Variants in HECW1 observed in about 807,000 individuals in gnomAD.
The protein encoded by HECW1 is E3 ubiquitin-protein ligase HECW1.
HECW1 carries 61 observed loss-of-function variants against 182.3 expected under a neutral mutation model. The ratio of observed to expected loss-of-function variants is 0.33; its 90% CI spans 0.27 to 0.41. The LOEUF (loss-of-function observed/expected upper bound fraction) is 0.41. Ranked by LOEUF, HECW1 falls within the 10% of genes least tolerant of loss-of-function variation. The pLI is 1.00. For missense variants in HECW1, 1,739 were observed against 2,108.9 expected (o/e 0.82, Z 3.44); for synonymous variants, 859 against 832.6 (o/e 1.03, Z -0.55).
In HECW1 at chr7:43,365,442, A is replaced by T. The variant is rs886263189; in HGVS notation, c.555+4462A>T. Among the ~76,000 whole-genome samples the T allele has an allele frequency of 2.8e-4, 14 of 49,852 alleles. No homozygotes were observed. The Admixed American group carries it at 3.2e-3, about 11-fold the overall frequency. 32.7% of individuals were successfully genotyped at this position (49,852 alleles called of 152,430 possible). On this transcript the variant is annotated intron_variant, in intron 6 of 29. Transcript: ENST00000395891. ...GGCCACCAGCATGCAGGGCAGGCTG[A>T]GGACATGACATTCCCACCCGTGTGG...
In HECW1 at chr7:43,198,721, GCACACTCTCACACCC is replaced by G. The variant is rs563851930; in HGVS notation, c.-31-45140_-31-45126del. 7.4e-3 allele frequency among the ~76,000 whole-genome samples: 983 copies of G among 133,716 alleles called. 1 individual carries two copies. The highest frequency in any genetic ancestry group is 0.012 in the Non-Finnish European group (773 of 62,302). 87.7% of individuals were successfully genotyped at this position (133,716 alleles called of 152,430 possible). A position where few individuals can be genotyped will look rare whatever the true frequency, so the allele number is the denominator to read the frequency against. On this transcript the variant is annotated intron_variant, in intron 2 of 29. Transcript: ENST00000395891. The stretch of plus-strand genomic sequence containing the variant: ...CATACACCCCCCACAATACAGATTT[GCACACTCTCACACCC>G]CACACTCTCACACACTATAGATTTG...
chr7:43,401,153 C>A (rs930503692), intron 7 of HECW1, among the ~76,000 whole-genome samples: 1 of 152,150 alleles, frequency 6.6e-6, no homozygotes, highest in Non-Finnish European at 1.5e-5. Context: ...ATGTGAACAT[C>A]TTTGTGAGGT....
intron 2 of HECW1, among the ~76,000 whole-genome samples, chr7:43,145,704 A>G (rs1264970930): frequency 6.6e-6 from 1 of 152,192 alleles, no homozygotes; most frequent in Non-Finnish European, 1.5e-5. Context: ...GCCACAAGAG[A>G]TAATTTCAAA....
At chr7:43,353,833 T>C (rs1178159958) in intron 5 of HECW1, among the ~76,000 whole-genome samples, 1 of 151,824 alleles carries the variant, frequency 6.6e-6, no homozygotes, top group Non-Finnish European at 1.5e-5. Flanking sequence ...AGAGCAACCA[T>C]AGACAAAGCA....
rs368679734 is a variant in HECW1, at chr7:43,126,697, C to A, written c.-32+12306C>A. Among the ~76,000 whole-genome samples, 55 of 152,272 alleles carry A rather than the reference C, an allele frequency of 3.6e-4. No homozygotes were observed. The East Asian group carries it at 9.5e-3, about 26-fold the overall frequency. ...CCTGAGTCCAGCAAGTCTATCGGTG[C>A]CATTTTTTCCAACAGCATGTGCTCA... On this transcript the variant is annotated intron_variant, in intron 2 of 29. Coordinates refer to ENST00000395891, the MANE Select transcript of HECW1 (RefSeq NM_015052.5).
rs1406016367 is a variant in HECW1, at chr7:43,564,349, A to G, written c.*2423A>G. 1 of 184,518 alleles carries G rather than the reference A, an allele frequency of 5.4e-6. No homozygotes were observed. Among genetic ancestry groups the G allele is most frequent in the Admixed American group, 6.2e-5 (1 of 16,060 alleles). The allele number at this position is 184,518 out of a possible 1,614,324, so 11.4% of individuals were successfully genotyped here. ...TTACAAGATGGACCAGCTCCTGGAGAGCTTTGCAATTTATATAAATTACTA... is the reference window on the plus strand; with the variant it reads ...TTACAAGATGGACCAGCTCCTGGAGGGCTTTGCAATTTATATAAATTACTA... On this transcript the variant is annotated 3_prime_UTR_variant, in exon 30 of 30. Transcript: ENST00000395891.
chr7:43,535,647 T>A (rs1036877554), intron 24 of HECW1, among the ~76,000 whole-genome samples: 1 of 152,206 alleles, frequency 6.6e-6, no homozygotes, highest in Admixed American at 6.5e-5. Flanking sequence ...TTTTGCAGTG[T>A]ATTAAAGGAT....
At chr7:43,424,223 T>C (rs2076284141) in intron 8 of HECW1, among the ~76,000 whole-genome samples, 2 of 152,334 alleles carry the variant, frequency 1.3e-5, no homozygotes, top group South Asian at 4.1e-4. Flanking sequence ...AAAATTACTA[T>C]GCTCCAGTGA....
chr7:43,266,414 C>T (rs936328608), intron 3 of HECW1, among the ~76,000 whole-genome samples: 1 of 152,206 alleles, frequency 6.6e-6, no homozygotes. Flanking sequence ...TGGCTCACTG[C>T]GTCCTCCGCC....
chr7:43,430,202 C>G (rs1360004513), intron 8 of HECW1, among the ~76,000 whole-genome samples: 2 of 152,314 alleles, frequency 1.3e-5, no homozygotes, highest in East Asian at 3.9e-4. Context: ...CTTTCTCACT[C>G]AGGTCTGAAA....
rs1789886652 is a variant in HECW1, at chr7:43,156,360, CT to C, written c.-32+41971del. On this transcript the variant is annotated intron_variant, in intron 2 of 29. Coordinates refer to ENST00000395891, the MANE Select transcript of HECW1 (RefSeq NM_015052.5). ...ATGGGGTGTGCCCAAGCCAGTCTTTCTTCTCTCACTTTTCTTAATGGTCATT... is the reference window on the plus strand; with the variant it reads ...ATGGGGTGTGCCCAAGCCAGTCTTTCTCTCTCACTTTTCTTAATGGTCATT... Among the ~76,000 whole-genome samples the C allele has an allele frequency of 7.9e-5, 12 of 152,338 alleles. No individual in the cohort carries two copies. The South Asian group carries it at 1.7e-3, about 21-fold the overall frequency.
intron 6 of HECW1, 79 bp downstream of exon 6, chr7:43,361,059 T>C (rs1584623560): frequency 3.6e-5 from 5 of 138,396 alleles, no homozygotes; most frequent in Non-Finnish European, 4.2e-5. Flanking sequence ...TGTGCGTGCG[T>C]GTGTGTGTGT....
intron 2 of HECW1, among the ~76,000 whole-genome samples, chr7:43,179,727 C>T (rs1234191119): frequency 6.6e-6 from 1 of 152,130 alleles, no homozygotes; most frequent in Non-Finnish European, 1.5e-5. Flanking sequence ...ATATGACTGC[C>T]TTAATTTATA....
chr7:43,472,083 C>T (rs978134132), intron 16 of HECW1, among the ~76,000 whole-genome samples: 1 of 151,960 alleles, frequency 6.6e-6, no homozygotes, highest in African/African-American at 2.4e-5. Context: ...TTTAAGATTG[C>T]AGGGAAAAGC....
rs78190526 is a variant in HECW1, at chr7:43,274,137, C to T, written c.27+30205C>T. 4.3e-3 allele frequency: 1,734 copies of T among 402,962 alleles called. 35 individuals carry two copies. Among genetic ancestry groups the T allele is most frequent in the African/African-American group, 0.032 (1,566 of 48,352 alleles). 25.0% of individuals were successfully genotyped at this position (402,962 alleles called of 1,614,324 possible). A position where few individuals can be genotyped will look rare whatever the true frequency, so the allele number is the denominator to read the frequency against. On this transcript the variant is annotated intron_variant, in intron 3 of 29. Transcript: ENST00000395891. ...AAGTGCTGGAGAAAAGCGCGGGTGG[C>T]GGCAGGCACGGAAAGGACGCCATGA... is the stretch of plus-strand genomic sequence containing the variant.
intron 2 of HECW1, among the ~76,000 whole-genome samples, chr7:43,199,359 T>C (rs1439131813): frequency 6.6e-6 from 1 of 152,284 alleles, no homozygotes; most frequent in East Asian, 1.9e-4. Context: ...TTCAAGAATA[T>C]ATATCCTATG....
Position 43,320,743 on chromosome 7 carries a change from G to A in HECW1, c.460+1G>A. 1.2e-6 allele frequency: 2 copies of A among 1,604,458 alleles called. No individual in the cohort carries two copies. The highest frequency in any genetic ancestry group is 1.1e-5 in the South Asian group (1 of 90,896). ...GATGCCAGCTCGTACTTTGTGGAAC[G>A]TGAGTACCTTTACCATTCTTGTGGC... On this transcript the variant is annotated splice_donor_variant, in intron 5 of 29. Transcript: ENST00000395891. LOFTEE classifies it high-confidence loss of function.
intron 2 of HECW1, among the ~76,000 whole-genome samples, chr7:43,217,685 A>C (rs546834239): frequency 6.6e-6 from 1 of 152,334 alleles, no homozygotes; most frequent in Admixed American, 6.5e-5. Flanking sequence ...TGAGGGGCTT[A>C]GGCATCACTC....
At chr7:43,132,082 C>G (rs117696180) in intron 2 of HECW1, among the ~76,000 whole-genome samples, 2,602 of 152,264 alleles carry the variant, frequency 0.017, 36 homozygotes, top group Non-Finnish European at 0.028. Flanking sequence ...TTCTCTGACT[C>G]TTAGTGAAAG....
Sources: allele counts gnomAD v4.1 joint callset (sites outside exome capture counted in the v4.1 genomes callset), GRCh38; gene constraint gnomAD v4.1.1; transcripts MANE v1.5; gene names NCBI Gene and HGNC (gene_info 2026-07-23, HGNC 2026-07-21).